Variants in EXOC4 observed in about 807,000 individuals in gnomAD.
EXOC4 encodes SEC8-like 1.
In EXOC4, 71 loss-of-function variants were observed where a neutral mutation model predicts 107.2. That is an observed-to-expected ratio of 0.66 (90% CI 0.55 to 0.81). The LOEUF (loss-of-function observed/expected upper bound fraction) is 0.81. Ranked by LOEUF, EXOC4 falls within the 30% of genes least tolerant of loss-of-function variation. EXOC4 has a pLI of 0.00. For synonymous variants in EXOC4, 456 were observed against 441.2 expected, an observed-to-expected ratio of 1.03 and a Z score of -0.42; for missense variants, 1,108 against 1,189.6, an observed-to-expected ratio of 0.93 and a Z score of 1.01.
At chr7:133,955,575 C>T (rs527431683) in intron 14 of EXOC4, among the ~76,000 whole-genome samples, 1 of 152,324 alleles carries the variant, frequency 6.6e-6, no homozygotes, top group South Asian at 2.1e-4. Flanking sequence ...ATGGGACTGG[C>T]AGCCTGGCCC....
chr7:133,468,370 C>T (rs11982966), intron 7 of EXOC4, among the ~76,000 whole-genome samples: 129,414 of 152,154 alleles, frequency 0.85, 55,351 homozygotes, highest in East Asian at 0.95. Flanking sequence ...GGTTATACAA[C>T]GGGGAAATTA....
intron 7 of EXOC4, among the ~76,000 whole-genome samples, chr7:133,404,904 GCACACA>G (rs35757786): frequency 3.6e-5 from 4 of 111,358 alleles, no homozygotes; most frequent in South Asian, 3.6e-4. Flanking sequence ...ACACACACAC[GCACACA>G]CACACACACA....
chr7:133,851,720 G>T (rs1798243404), intron 11 of EXOC4, among the ~76,000 whole-genome samples: 1 of 152,200 alleles, frequency 6.6e-6, no homozygotes, highest in Admixed American at 6.5e-5. Context: ...TATCAGAGAG[G>T]AAGGCAGCAG....
chr7:133,906,494 A>G (rs1799568338), intron 12 of EXOC4, among the ~76,000 whole-genome samples: 1 of 152,212 alleles, frequency 6.6e-6, no homozygotes, highest in Non-Finnish European at 1.5e-5. Context: ...GAAATAGCCA[A>G]TCATCTATTG....
At chr7:133,606,173 C>T (rs1015772459) in intron 9 of EXOC4, among the ~76,000 whole-genome samples, 5 of 152,150 alleles carry the variant, frequency 3.3e-5, no homozygotes, top group African/African-American at 1.2e-4. Flanking sequence ...CCTGACCATT[C>T]CCATGCTCCT....
rs567980117 is a variant in EXOC4 at position 133,762,043 on chromosome 7, G to A, written c.1515-55282G>A. 9.7e-4 allele frequency among the ~76,000 whole-genome samples: 148 copies of A among 152,266 alleles called. 5 individuals are homozygous for A. The South Asian group carries it at 0.029, about 30-fold the overall frequency. On this transcript the variant is annotated intron_variant, in intron 10 of 17. Coordinates refer to ENST00000253861, the MANE Select transcript of EXOC4 (RefSeq NM_021807.4). ...TCTGTCTGTGTCCTTTAATATAAAT[G>A]TTTAAATGTTTAAATGTCATTGGGT...
At chr7:133,270,387 G>A (rs528009178) in intron 1 of EXOC4, among the ~76,000 whole-genome samples, 26 of 152,192 alleles carry the variant, frequency 1.7e-4, no homozygotes, top group Non-Finnish European at 2.5e-4. Context: ...CTGGCACATA[G>A]TAAGTTCTAT....
At chr7:134,028,950 G>A (rs1446070809) in intron 17 of EXOC4, among the ~76,000 whole-genome samples, 1 of 152,238 alleles carries the variant, frequency 6.6e-6, no homozygotes, top group East Asian at 1.9e-4. Context: ...ATCTAGCAAA[G>A]AGATGTGAAA....
intron 10 of EXOC4, among the ~76,000 whole-genome samples, chr7:133,689,860 A>G (rs937677053): frequency 6.6e-6 from 1 of 152,206 alleles, no homozygotes. Context: ...ATTGACCTTT[A>G]TTTGCAATTT....
At chr7:133,720,461 A>G (rs1409021749) in intron 10 of EXOC4, among the ~76,000 whole-genome samples, 2 of 152,192 alleles carry the variant, frequency 1.3e-5, no homozygotes, top group African/African-American at 2.4e-5. Context: ...ACCCAAGGAA[A>G]CCATAATGCA....
chr7:133,915,128 A>G (rs1308263670), intron 12 of EXOC4, among the ~76,000 whole-genome samples: 2 of 152,232 alleles, frequency 1.3e-5, no homozygotes, highest in Non-Finnish European at 2.9e-5. Flanking sequence ...GAGAGATTTC[A>G]TGAATGAGAG....
chr7:133,998,209 G>A (rs538230175), intron 15 of EXOC4, among the ~76,000 whole-genome samples: 7 of 152,316 alleles, frequency 4.6e-5, no homozygotes, highest in African/African-American at 1.4e-4. Flanking sequence ...ATCAATGGAA[G>A]TGATTGAGGT....
chr7:133,525,625 C>A (rs967156694), intron 9 of EXOC4, among the ~76,000 whole-genome samples: 1 of 152,016 alleles, frequency 6.6e-6, no homozygotes, highest in Admixed American at 6.6e-5. Flanking sequence ...CAAAAGGAAA[C>A]CCACTATATT....
chr7:133,306,023 C>T lies in EXOC4; in HGVS notation c.618C>T (p.Ser206=), dbSNP rs373741162. The T allele has an allele frequency of 9.3e-6, 15 of 1,613,328 alleles. No homozygotes were observed. In the African/African-American group the frequency reaches 2.0e-4, roughly 22 times the overall value. Reference sequence around the variant, plus strand: ...GGCACCTGTACATCAAATCGACTAGCCGAGTTGTGCAGCGTAACAAGGAAA... The same window carrying T: ...GGCACCTGTACATCAAATCGACTAGTCGAGTTGTGCAGCGTAACAAGGAAA... ...LHRHLYIKST[S]RVVQRNKEKG... Residue 206 remains serine (S), a synonymous_variant, in exon 4 of 18, where the codon AGC becomes AGT. Transcript: ENST00000253861.
At chr7:133,358,147 C>T (rs916162595) in intron 6 of EXOC4, among the ~76,000 whole-genome samples, 1 of 152,158 alleles carries the variant, frequency 6.6e-6, no homozygotes, top group African/African-American at 2.4e-5. Context: ...GAGCACACTA[C>T]TGCACTCCAG....
At chr7:133,401,155 A>G (rs1797079729) in intron 7 of EXOC4, among the ~76,000 whole-genome samples, 3 of 150,462 alleles carry the variant, frequency 2.0e-5, no homozygotes, top group Admixed American at 1.3e-4. Flanking sequence ...TTATTCCTTG[A>G]GAATAATTCC....
intron 9 of EXOC4, among the ~76,000 whole-genome samples, chr7:133,585,798 AT>A (rs1413073430): frequency 6.6e-6 from 1 of 152,070 alleles, no homozygotes; most frequent in East Asian, 1.9e-4. Flanking sequence ...GGTTCAAGTG[AT>A]TCTTCTGCCT....
intron 11 of EXOC4, among the ~76,000 whole-genome samples, chr7:133,870,812 T>A (rs12532774): frequency 0.058 from 8,878 of 152,320 alleles, 391 homozygotes; most frequent in South Asian, 0.13. Flanking sequence ...ATTCTTCAAG[T>A]TAGAGTGGGT....
chr7:133,984,201 T>G (rs1418218017), intron 14 of EXOC4, among the ~76,000 whole-genome samples: 3 of 152,192 alleles, frequency 2.0e-5, no homozygotes, highest in African/African-American at 7.2e-5. Flanking sequence ...CCAGATGCAA[T>G]TTTCTCTCTG....
Sources: allele counts gnomAD v4.1 joint callset (sites outside exome capture counted in the v4.1 genomes callset), GRCh38; gene constraint gnomAD v4.1.1; transcripts MANE v1.5; gene names NCBI Gene and HGNC (gene_info 2026-07-23, HGNC 2026-07-21).